The following SAMD12 variants were observed in gnomAD, a reference collection of about 807,000 sequenced individuals.
SAMD12 encodes sterile alpha motif domain containing 12.
A neutral mutation model predicts 15.0 loss-of-function variants in SAMD12; 9 were observed. That is an observed-to-expected ratio of 0.60 (90% CI 0.36 to 1.05). The LOEUF (loss-of-function observed/expected upper bound fraction) is 1.05, where lower values mean the gene tolerates loss of function less well. SAMD12 is among the 50% of genes least tolerant of loss of function. SAMD12 has a pLI of 0.01. For missense variants in SAMD12, 230 were observed against 234.2 expected, an observed-to-expected ratio of 0.98 and a Z score of 0.12; for synonymous variants, 86 against 90.1, an observed-to-expected ratio of 0.96 and a Z score of 0.25.
At chr8:118,167,888 G>A in the SAMD12 span, among the ~76,000 whole-genome samples, 3 of 152,068 alleles carry the variant, frequency 2.0e-5, no homozygotes, top group African/African-American at 4.8e-5. Flanking sequence ...GTTGGCTGGG[G>A]AGCATTGACA....
At chr8:118,569,225 A>T (rs140125674) in intron 2 of SAMD12, among the ~76,000 whole-genome samples, 3 of 152,338 alleles carry the variant, frequency 2.0e-5, no homozygotes, top group African/African-American at 7.2e-5. Flanking sequence ...ACCTCATATT[A>T]TAGGCCAGTC....
At chr8:118,377,782 G>C (rs932766829), downstream of SAMD12, among the ~76,000 whole-genome samples, 2 of 152,154 alleles carry the variant, frequency 1.3e-5, no homozygotes, top group Non-Finnish European at 2.9e-5. Flanking sequence ...CGTCACATGT[G>C]AGTTTAGGTC....
chr8:118,488,715 G>C (rs537345425), intron 2 of SAMD12, among the ~76,000 whole-genome samples: 1 of 152,174 alleles, frequency 6.6e-6, no homozygotes, highest in East Asian at 1.9e-4. Flanking sequence ...ACTGTGCAGA[G>C]ACTACACCAA....
chr8:118,431,637 G>T (rs187978350), intron 3 of SAMD12, among the ~76,000 whole-genome samples: 1 of 151,076 alleles, frequency 6.6e-6, no homozygotes, highest in African/African-American at 2.4e-5. Flanking sequence ...GGTACATGAT[G>T]TTTGTTGTTT....
intron 2 of SAMD12, among the ~76,000 whole-genome samples, chr8:118,501,004 T>C (rs1824767298): frequency 6.6e-6 from 1 of 152,174 alleles, no homozygotes; most frequent in African/African-American, 2.4e-5. Flanking sequence ...GTGGTCTGTG[T>C]GGAACAGCCA....
At chr8:118,415,261 G>C (rs4876413) in intron 3 of SAMD12, among the ~76,000 whole-genome samples, 128,401 of 152,156 alleles carry the variant, frequency 0.84, 54,531 homozygotes, top group Middle Eastern at 0.94. Context: ...CCAAAAATTA[G>C]TTTACAAAAG....
chr8:118,212,117 A>T (rs1051308031), intron 4 of SAMD12, among the ~76,000 whole-genome samples: 1 of 151,682 alleles, frequency 6.6e-6, no homozygotes, highest in African/African-American at 2.4e-5. Flanking sequence ...TAAATCCAAG[A>T]TACATTTTTT....
At chr8:118,250,162 C>G (rs183979987) in intron 4 of SAMD12, among the ~76,000 whole-genome samples, 1 of 152,036 alleles carries the variant, frequency 6.6e-6, no homozygotes. Flanking sequence ...AGGCAGGGCA[C>G]GCCAACATGT....
intron 4 of SAMD12, among the ~76,000 whole-genome samples, chr8:118,333,376 A>T (rs1208120185): frequency 2.0e-5 from 3 of 151,596 alleles, no homozygotes; most frequent in Non-Finnish European, 4.4e-5. Context: ...AAGTTCTACC[A>T]CTCCCTGGGT....
chr8:118,432,005 T>C (rs560352050), intron 3 of SAMD12, among the ~76,000 whole-genome samples: 2 of 152,312 alleles, frequency 1.3e-5, no homozygotes, highest in Admixed American at 1.3e-4. Context: ...TCACTGATTC[T>C]TTCCATGGCT....
intron 2 of SAMD12, among the ~76,000 whole-genome samples, chr8:118,500,270 G>C (rs1049433572): frequency 6.6e-6 from 1 of 151,280 alleles, no homozygotes; most frequent in African/African-American, 2.4e-5. Flanking sequence ...TAGAGACGGG[G>C]TTTCTCCATG....
chr8:118,402,525 A>T (rs1820918225), intron 3 of SAMD12, among the ~76,000 whole-genome samples: 1 of 152,248 alleles, frequency 6.6e-6, no homozygotes, highest in South Asian at 2.1e-4. Flanking sequence ...TGCTCTAGCC[A>T]GAAAAGCCCC....
chr8:118,359,426 C>A (rs912194748), intron 4 of SAMD12, among the ~76,000 whole-genome samples: 1 of 152,200 alleles, frequency 6.6e-6, no homozygotes, highest in Non-Finnish European at 1.5e-5. Flanking sequence ...CCCCAGCCGA[C>A]TAATATAATC....
chr8:118,489,529 C>A (rs2515042), intron 2 of SAMD12, among the ~76,000 whole-genome samples: 67,622 of 151,792 alleles, frequency 0.45, 15,484 homozygotes, highest in East Asian at 0.63. Context: ...TAAACAAACT[C>A]AAATAGATAA....
chr8:118,533,457 C>T (rs1292582334), intron 2 of SAMD12, among the ~76,000 whole-genome samples: 1 of 152,100 alleles, frequency 6.6e-6, no homozygotes, highest in Non-Finnish European at 1.5e-5. Context: ...CTATTAGGTC[C>T]ACTTGGTGCA....
chr8:118,152,833 G>A, the SAMD12 span, among the ~76,000 whole-genome samples: 1 of 152,146 alleles, frequency 6.6e-6, no homozygotes, highest in Non-Finnish European at 1.5e-5. Context: ...TTAAGGTTTG[G>A]AAAAGTGCAC....
chr8:118,464,905 C>G (rs1026673362), intron 2 of SAMD12, among the ~76,000 whole-genome samples: 9 of 152,126 alleles, frequency 5.9e-5, no homozygotes, highest in African/African-American at 1.9e-4. Flanking sequence ...CATGAGACTG[C>G]AAACATAAAT....
intron 4 of SAMD12, among the ~76,000 whole-genome samples, chr8:118,287,473 G>A (rs868859219): frequency 1.3e-5 from 2 of 152,144 alleles, no homozygotes; most frequent in Non-Finnish European, 2.9e-5. Context: ...TAAGAAGTCC[G>A]AGCAAAGAGC....
At chr8:118,194,708 C>A (rs1819505433) in exon 5 of SAMD12, 1 of 152,178 alleles carries the variant, frequency 6.6e-6, no homozygotes, top group African/African-American at 2.4e-5. Context: ...ACAAAACTCA[C>A]CACAACTATT....
Sources: gnomAD v4.1 joint callset for allele counts (sites outside exome capture counted in the v4.1 genomes callset) on GRCh38, gnomAD v4.1.1 for gene constraint, MANE v1.5 for transcripts, NCBI Gene and HGNC (gene_info 2026-07-23, HGNC 2026-07-21) for gene names.